Variants in OR7C1 observed in about 807,000 individuals in gnomAD.
The protein encoded by OR7C1 is olfactory receptor 7C1.
For synonymous variants in OR7C1, 152 were observed against 160.7 expected, an observed-to-expected ratio of 0.95 and a Z score of 0.41; for missense variants, 324 against 383.3, an observed-to-expected ratio of 0.85 and a Z score of 1.29.
At chr19:14,810,578 C>T (rs1168439276) in intron 1 of OR7C1, among the ~76,000 whole-genome samples, 1 of 147,702 alleles carries the variant, frequency 6.8e-6, no homozygotes, top group Non-Finnish European at 1.5e-5. Context: ...GTGGAGATAG[C>T]GTTTCACCAT....
At chr19:14,799,611 G>A (rs1339607838) in exon 5 of OR7C1, 1 of 1,614,086 alleles carries the variant, frequency 6.2e-7, no homozygotes, top group South Asian at 1.1e-5. Context: ...CAAAAAAAGT[G>A]TGGAATTTCC....
intron 2 of OR7C1, among the ~76,000 whole-genome samples, chr19:14,809,392 G>C (rs914863471): frequency 1.3e-5 from 2 of 151,932 alleles, no homozygotes; most frequent in Non-Finnish European, 2.9e-5. Context: ...AGTGGCCCTG[G>C]AATTGTGCCA....
At chr19:14,823,065 A>G (rs2044748759) in intron 1 of OR7C1, among the ~76,000 whole-genome samples, 2 of 152,210 alleles carry the variant, frequency 1.3e-5, no homozygotes, top group Admixed American at 6.5e-5. Context: ...TGAGGGGTAT[A>G]TTTTAAAACC....
At chr19:14,828,098 G>A (rs1222614087) in intron 1 of OR7C1, 5 of 1,613,982 alleles carry the variant, frequency 3.1e-6, no homozygotes, top group East Asian at 4.5e-5. Context: ...CTGAGATTGT[G>A]GCCAGGATGA....
At chr19:14,827,384 G>T (rs2044778763) in intron 1 of OR7C1, 1 of 1,613,448 alleles carries the variant, frequency 6.2e-7, no homozygotes, top group Non-Finnish European at 8.5e-7. Context: ...AGATAAAGGG[G>T]TTCAGCATGG....
intron 1 of OR7C1, among the ~76,000 whole-genome samples, chr19:14,822,012 G>C (rs530435070): frequency 6.6e-6 from 1 of 152,168 alleles, no homozygotes; most frequent in African/African-American, 2.4e-5. Context: ...AGGTTCATCC[G>C]TGTGGTCACA....
chr19:14,824,587 G>A (rs1201577638), intron 1 of OR7C1: 1 of 152,062 alleles, frequency 6.6e-6, no homozygotes, highest in African/African-American at 2.4e-5. Flanking sequence ...AGTATTCCCT[G>A]GTGTGTACAT....
chr19:14,828,082 G>T, intron 1 of OR7C1: 1 of 1,614,160 alleles, frequency 6.2e-7, no homozygotes, highest in Non-Finnish European at 8.5e-7. Flanking sequence ...GTGTGGAGGT[G>T]GGAGTCTGAG....
intron 2 of OR7C1, among the ~76,000 whole-genome samples, chr19:14,808,214 T>C (rs1263094022): frequency 6.6e-6 from 1 of 151,808 alleles, no homozygotes; most frequent in Non-Finnish European, 1.5e-5. Context: ...AGTATGGAGA[T>C]TTCCCAAAGA....
chr19:14,802,839 C>T (rs187503036), intron 2 of OR7C1, among the ~76,000 whole-genome samples: 15 of 152,226 alleles, frequency 9.9e-5, no homozygotes, highest in African/African-American at 3.1e-4. Flanking sequence ...CCTCATCTCA[C>T]GCCAAGGAAA....
chr19:14,813,745 G>C (rs1005614425), intron 1 of OR7C1, among the ~76,000 whole-genome samples: 1 of 152,002 alleles, frequency 6.6e-6, no homozygotes, highest in Non-Finnish European at 1.5e-5. Context: ...TTATCAAACA[G>C]CCAGATCTTG....
Position 14,816,371 on chromosome 19 carries a change from C to T in OR7C1, c.-622-6378G>A, listed in dbSNP as rs1157992345. Among the ~76,000 whole-genome samples, 3 of 152,246 alleles carry T rather than the reference C, an allele frequency of 2.0e-5. No individual in the cohort carries two copies. In the South Asian group the frequency reaches 6.2e-4, roughly 32 times the overall value. ...CAGTGAACTGAAGGAGGCAGACCCA[C>T]CCTCAATCCGTGTGGGCACCATCTA... On this transcript the variant is annotated intron_variant, in intron 1 of 4. Transcript: ENST00000641666.
chr19:14,803,433 T>G (rs74917893), intron 2 of OR7C1, among the ~76,000 whole-genome samples: 1 of 151,688 alleles, frequency 6.6e-6, no homozygotes, highest in African/African-American at 2.4e-5. Flanking sequence ...GTCGCTGCCA[T>G]GTTGTCTTCT....
At chr19:14,822,484 A>G (rs1159686820) in intron 1 of OR7C1, among the ~76,000 whole-genome samples, 2 of 147,882 alleles carry the variant, frequency 1.4e-5, no homozygotes, top group African/African-American at 2.5e-5. Flanking sequence ...ACCCAAGTTC[A>G]AGCAATTCTC....
intron 1 of OR7C1, among the ~76,000 whole-genome samples, chr19:14,833,393 C>T (rs1305641627): frequency 1.3e-5 from 2 of 152,166 alleles, no homozygotes; most frequent in Non-Finnish European, 2.9e-5. Context: ...GTGGGAGAAT[C>T]GCTTGGATCC....
At chr19:14,799,796 A>C (rs775442461) in exon 5 of OR7C1, 2 of 1,613,848 alleles carry the variant, frequency 1.2e-6, no homozygotes, top group South Asian at 1.1e-5. Flanking sequence ...CACGGTCAAG[A>C]GTAAATTGTC....
intron 1 of OR7C1, among the ~76,000 whole-genome samples, chr19:14,817,866 G>A (rs780376184): frequency 4.6e-5 from 7 of 152,058 alleles, no homozygotes. Flanking sequence ...TCATAGTCAA[G>A]GAGTTTTGCA....
At chr19:14,803,968 G>A (rs149717783) in intron 2 of OR7C1, among the ~76,000 whole-genome samples, 1,619 of 151,972 alleles carry the variant, frequency 0.011, 15 homozygotes, top group African/African-American at 0.027. Flanking sequence ...CTCGGCCTCC[G>A]AAAGTGCTGG....
At chr19:14,822,997 A>T (rs754631392) in intron 1 of OR7C1, among the ~76,000 whole-genome samples, 1 of 152,110 alleles carries the variant, frequency 6.6e-6, no homozygotes, top group Non-Finnish European at 1.5e-5. Flanking sequence ...TGCTGTGCAG[A>T]AGGTTTTTAA....
Sources: allele counts gnomAD v4.1 joint callset (sites outside exome capture counted in the v4.1 genomes callset), GRCh38; gene constraint gnomAD v4.1.1; transcripts MANE v1.5; gene names NCBI Gene and HGNC (gene_info 2026-07-23, HGNC 2026-07-21).